Variants in DNAH17 observed in about 807,000 individuals in gnomAD.
DNAH17 encodes the protein axonemal beta dynein heavy chain 17.
In DNAH17, 376 loss-of-function variants were observed where a neutral mutation model predicts 485.6. That is an observed-to-expected ratio of 0.77 (90% confidence interval 0.71 to 0.84). The LOEUF is 0.84. Ranked by LOEUF, DNAH17 falls within the 40% of genes least tolerant of loss-of-function variation. DNAH17 has a pLI of 0.00. For missense variants in DNAH17, 6,370 were observed against 5,839.3 expected (o/e 1.09, Z -2.96); for synonymous variants, 3,031 against 2,405.9 (o/e 1.26, Z -7.60).
At chr17:78,450,498 A>G in intron 67 of DNAH17, 104 bp from the exon 68 acceptor site, 2 of 1,498,186 alleles carry the variant, frequency 1.3e-6, no homozygotes, top group South Asian at 2.5e-5. Flanking sequence ...GAAGCCACCC[A>G]AGGGCTCTCA....
chr17:78,460,089 A>AC, intron 59 of DNAH17, 73 bp downstream of exon 59: 2 of 1,583,332 alleles, frequency 1.3e-6, no homozygotes, highest in Non-Finnish European at 1.7e-6. Flanking sequence ...GTGTGTCACC[A>AC]CCCACGCCAA....
intron 73 of DNAH17, 142 bp downstream of exon 73, chr17:78,438,948 C>T (rs2086962133): frequency 7.9e-7 from 1 of 1,269,530 alleles, no homozygotes; most frequent in South Asian, 1.6e-5. Flanking sequence ...GGGGATGCCT[C>T]CTCCTTCAGT....
At position 78,485,520 on chromosome 17, in the gene DNAH17, G is replaced by A. The variant is rs576892005; in HGVS notation, c.7483+30C>T. On this transcript the variant is annotated intron_variant, in intron 47 of 80. Transcript: ENST00000389840. ...ACGGGGACTGGCGGGGGGCAGCCGG[G>A]TAGGCAGGGCGTGGCCGGACCAGCC... 442 of 1,538,728 alleles carry A rather than the reference G, an allele frequency of 2.9e-4. 1 individual carries two copies. Among genetic ancestry groups the A allele is most frequent in the Non-Finnish European group, 3.3e-4 (377 of 1,141,898 alleles).
At position 78,464,308 on chromosome 17, in the gene DNAH17, A is replaced by G. The variant is rs78574125; in HGVS notation, c.8941-1231T>C. The stretch of plus-strand genomic sequence containing the variant: ...GGAGTCTTGCTCTATTGCCCAGGCT[A>G]GAGTGCAGTGGCACAATCTTGGCTT... On this transcript the variant is annotated intron_variant, in intron 56 of 80. Coordinates refer to ENST00000389840, the MANE Select transcript of DNAH17 (RefSeq NM_173628.4). Among the ~76,000 whole-genome samples, 120 of 152,294 alleles carry G rather than the reference A, an allele frequency of 7.9e-4. No individual in the cohort carries two copies. The East Asian group carries it at 0.022, about 27-fold the overall frequency.
chr17:78,544,916 T>C (rs2091715107), intron 16 of DNAH17, among the ~76,000 whole-genome samples: 1 of 151,694 alleles, frequency 6.6e-6, no homozygotes, highest in South Asian at 2.1e-4. Context: ...ATTAAAGTGA[T>C]ACATATATGG....
chr17:78,461,579 C>G lies in DNAH17; in HGVS notation c.9304G>C (p.Asp3102His). ...EKVSKEKAIADQEEVKVEVIN... is the reference protein window; with the variant it reads ...EKVSKEKAIAHQEEVKVEVIN... ...ACCTCGACCTTGACTTCTTCCTGGT[C>G]AGCAATGGCCTTCTCTTTGCTGACC... The change falls in exon 58 of 81, where the codon GAC becomes CAC. Residue 3102 changes from aspartate (D) to histidine (H), a missense_variant. By Grantham distance (81) the Asp-to-His change is moderately conservative (BLOSUM62 -1). Transcript: ENST00000389840. The G allele has an allele frequency of 3.1e-6, 5 of 1,602,712 alleles. No homozygotes were observed. Among genetic ancestry groups the G allele is most frequent in the Non-Finnish European group, 4.3e-6 (5 of 1,175,546 alleles).
At chr17:78,457,701 C>T (rs185602228) in intron 62 of DNAH17, among the ~76,000 whole-genome samples, 7 of 149,558 alleles carry the variant, frequency 4.7e-5, no homozygotes, top group Admixed American at 2.7e-4. Context: ...ACTCTTGTCA[C>T]CCAGGCTGGA....
chr17:78,480,605 C>G lies in DNAH17; in HGVS notation c.7752+79G>C, dbSNP rs1265795813. On this transcript the variant is annotated intron_variant, in intron 49 of 80. Coordinates refer to ENST00000389840, the MANE Select transcript of DNAH17 (RefSeq NM_173628.4). ...GGCCTGCAGCCCTAACACCCTAAAC[C>G]AAAGCTTTTCCTCTCATTTGCCAGA... The G allele has an allele frequency of 6.2e-6, 8 of 1,290,648 alleles. No homozygotes were observed. In the Admixed American group the frequency reaches 1.5e-4, roughly 24 times the overall value. 79.9% of individuals were successfully genotyped at this position (1,290,648 alleles called of 1,614,324 possible).
intron 71 of DNAH17, among the ~76,000 whole-genome samples, chr17:78,441,703 C>T (rs897794499): frequency 9.9e-5 from 15 of 152,160 alleles, no homozygotes; most frequent in Non-Finnish European, 1.6e-4. Context: ...GATGTTCTGG[C>T]GGTCTTTGGA....
At chr17:78,506,140 A>T (rs1397224058) in intron 30 of DNAH17, among the ~76,000 whole-genome samples, 7 of 128,286 alleles carry the variant, frequency 5.5e-5, no homozygotes, top group Admixed American at 8.0e-5. Flanking sequence ...CACCTAGTTA[A>T]TTTTTTTTTT....
At chr17:78,544,482 C>T (rs1374924879) in intron 16 of DNAH17, among the ~76,000 whole-genome samples, 1 of 152,142 alleles carries the variant, frequency 6.6e-6, no homozygotes, top group Non-Finnish European at 1.5e-5. Flanking sequence ...CCTGGCTCCC[C>T]TGCAAGTGGG....
At chr17:78,504,070 G>A (rs2090400972) in intron 31 of DNAH17, among the ~76,000 whole-genome samples, 1 of 150,178 alleles carries the variant, frequency 6.7e-6, no homozygotes, top group Admixed American at 6.7e-5. Context: ...CATGAGGGTA[G>A]ATTTTTTTTT....
intron 48 of DNAH17, among the ~76,000 whole-genome samples, chr17:78,484,132 T>G (rs1261869183): frequency 7.6e-6 from 1 of 130,810 alleles, no homozygotes; most frequent in African/African-American, 2.9e-5. Context: ...AAAAGACAAC[T>G]GAACTGAATG....
In DNAH17 at chr17:78,572,902, G is replaced by T; in HGVS notation, c.346-8C>A. 3 of 1,612,358 alleles carry T rather than the reference G, an allele frequency of 1.9e-6. No individual in the cohort carries two copies. Among genetic ancestry groups the T allele is most frequent in the Non-Finnish European group, 2.5e-6 (3 of 1,179,226 alleles). On this transcript the variant is annotated splice_polypyrimidine_tract_variant and splice_region_variant and intron_variant, in intron 2 of 80. Transcript: ENST00000389840. ...TAACAGAGAAGAGAGGACCTAAAAG[G>T]AAACACTTCTGTGGTTCCGCCCCCT...
At chr17:78,500,513 G>A (rs1049963532) in intron 35 of DNAH17, 52 bp from the exon 36 acceptor site, 2 of 1,491,208 alleles carry the variant, frequency 1.3e-6, no homozygotes, top group South Asian at 1.4e-5. Context: ...TGGCCTCCCT[G>A]CTTTTATTTT....
At chr17:78,433,948 G>GGAAGGAGGGAGA (rs2086774459) in intron 75 of DNAH17, 81 bp downstream of exon 75, 13 of 1,036,188 alleles carry the variant, frequency 1.3e-5, no homozygotes, top group African/African-American at 2.3e-5. Flanking sequence ...AAGGAGGGAG[G>GGAAGGAGGGAGA]GAAGGAGGGA....
chr17:78,490,669 T>C, intron 44 of DNAH17, 30 bp downstream of exon 44: 1 of 1,587,498 alleles, frequency 6.3e-7, no homozygotes, highest in Non-Finnish European at 8.6e-7. Flanking sequence ...CTGCCGAGGT[T>C]TGGAACAGGA....
At chr17:78,536,538 G>A (rs907202410) in intron 19 of DNAH17, among the ~76,000 whole-genome samples, 1 of 151,690 alleles carries the variant, frequency 6.6e-6, no homozygotes, top group African/African-American at 2.4e-5. Context: ...TCACCAAGCT[G>A]GGCTTGGTGA....
In DNAH17 at chr17:78,439,205, C is replaced by A; in HGVS notation, c.11690G>T (p.Gly3897Val). Residue 3897 changes from glycine (G) to valine (V), a missense_variant, in exon 73 of 81, where the codon GGG becomes GTG. Transcript: ENST00000389840. ...KDVEALGKKL[G>V]FTIDNGKLHN... is the part of the protein sequence containing the mutation. The stretch of plus-strand genomic sequence containing the variant: ...GAGTTTTCCATTGTCTATGGTAAAC[C>A]CTAGTTTTTTTCCTAAAGAAAAGAA... The A allele has an allele frequency of 6.2e-7, 1 of 1,602,352 alleles. No individual in the cohort carries two copies. Among genetic ancestry groups the A allele is most frequent in the Non-Finnish European group, 8.5e-7 (1 of 1,176,286 alleles).
Sources: gnomAD v4.1 joint callset for allele counts (sites outside exome capture counted in the v4.1 genomes callset) on GRCh38, gnomAD v4.1.1 for gene constraint, MANE v1.5 for transcripts, NCBI Gene and HGNC (gene_info 2026-07-23, HGNC 2026-07-21) for gene names.